The following PLEKHA6 variants were observed in gnomAD, a reference collection of about 807,000 sequenced individuals.
The protein encoded by PLEKHA6 is pleckstrin homology domain containing A6.
In PLEKHA6, 60 loss-of-function variants were observed where a neutral mutation model predicts 116.7. The observed-to-expected ratio is 0.51, with a 90% CI of 0.42 to 0.64. The LOEUF is 0.64. Among genes scored for constraint, PLEKHA6 ranks in the 30% least tolerant of loss-of-function variants. The pLI, the probability that PLEKHA6 is intolerant of heterozygous loss-of-function variation, is 0.00. For missense variants in PLEKHA6, 1,338 were observed against 1,422.7 expected (o/e 0.94, Z 0.96); for synonymous variants, 489 against 556.1 (o/e 0.88, Z 1.70).
At chr1:204,293,403 G>A (rs1224082545) in intron 1 of PLEKHA6, among the ~76,000 whole-genome samples, 1 of 152,136 alleles carries the variant, frequency 6.6e-6, no homozygotes, top group Non-Finnish European at 1.5e-5. Context: ...CCAAAGTGCT[G>A]GGATTACAAG....
chr1:204,304,936 C>T (rs1391385982), intron 1 of PLEKHA6, among the ~76,000 whole-genome samples: 1 of 152,158 alleles, frequency 6.6e-6, no homozygotes, highest in African/African-American at 2.4e-5. Flanking sequence ...AAGCAGGTGT[C>T]CAGTGAGCAT....
chr1:204,349,071 T>G (rs1673182301), intron 1 of PLEKHA6, among the ~76,000 whole-genome samples: 1 of 152,292 alleles, frequency 6.6e-6, no homozygotes, highest in African/African-American at 2.4e-5. Context: ...GCTTCAAGCT[T>G]GGCCTTCTCT....
chr1:204,308,198 G>T (rs1422851887), intron 1 of PLEKHA6, among the ~76,000 whole-genome samples: 1 of 152,208 alleles, frequency 6.6e-6, no homozygotes, highest in African/African-American at 2.4e-5. Flanking sequence ...GACATGGCTT[G>T]GCAAAGCCAG....
At chr1:204,366,151 A>G (rs1489963902) in intron 3 of PLEKHA6, among the ~76,000 whole-genome samples, 1 of 152,226 alleles carries the variant, frequency 6.6e-6, no homozygotes, top group African/African-American at 2.4e-5. Context: ...AATACATGTG[A>G]AAGTGTTTAG....
At chr1:204,237,399 T>C (rs1056691623) in intron 17 of PLEKHA6, among the ~76,000 whole-genome samples, 2 of 152,142 alleles carry the variant, frequency 1.3e-5, no homozygotes, top group Non-Finnish European at 2.9e-5. Context: ...CCTGGAGGGA[T>C]TGCGGAGATT....
Position 204,222,161 on chromosome 1 carries a change from C to G in PLEKHA6, c.*627G>C, listed in dbSNP as rs1325693977. The G allele has an allele frequency of 6.5e-6, 1 of 152,910 alleles. No homozygotes were observed. The highest frequency in any genetic ancestry group is 1.5e-5 in the Non-Finnish European group (1 of 68,430). The allele number at this position is 152,910 out of a possible 1,614,324, so 9.5% of individuals were successfully genotyped here. Reference sequence around the variant, plus strand: ...TCCCTCTGGGAGCCAATGGCCTCTCCCCATCTCTCATCACCTTGTCTTTGG... The same window carrying G: ...TCCCTCTGGGAGCCAATGGCCTCTCGCCATCTCTCATCACCTTGTCTTTGG... On this transcript the variant is annotated 3_prime_UTR_variant, in exon 23 of 23. Coordinates refer to ENST00000272203, the MANE Select transcript of PLEKHA6 (RefSeq NM_014935.5).
chr1:204,301,230 G>A (rs1670783311), intron 1 of PLEKHA6: 1 of 984,388 alleles, frequency 1.0e-6, no homozygotes, highest in Non-Finnish European at 1.2e-6. Context: ...TTTCAGCAGA[G>A]TCACCAGAGT....
intron 8 of PLEKHA6, among the ~76,000 whole-genome samples, chr1:204,258,125 C>G (rs181658069): frequency 5.4e-4 from 82 of 152,236 alleles, no homozygotes; most frequent in African/African-American, 1.4e-3. Context: ...TAGGAAGAAA[C>G]GTGAAGCCTT....
intron 1 of PLEKHA6, among the ~76,000 whole-genome samples, chr1:204,377,205 A>G (rs1381561296): frequency 2.0e-5 from 3 of 152,084 alleles, no homozygotes; most frequent in African/African-American, 4.8e-5. Context: ...TTCCCATAGG[A>G]AAGTCTCGGG....
chr1:204,242,248 G>T (rs1662935001), intron 15 of PLEKHA6, among the ~76,000 whole-genome samples: 1 of 152,142 alleles, frequency 6.6e-6, no homozygotes, highest in African/African-American at 2.4e-5. Context: ...TTAGTGTGTG[G>T]GCTCACAAAA....
intron 1 of PLEKHA6, among the ~76,000 whole-genome samples, chr1:204,342,942 C>T (rs947694824): frequency 1.3e-5 from 2 of 152,150 alleles, no homozygotes; most frequent in Non-Finnish European, 2.9e-5. Flanking sequence ...AACGCCAGAT[C>T]GCAGAACAGC....
rs564278663 is a variant in PLEKHA6 at position 204,367,393 on chromosome 1, C to T, written c.218+406G>A. On this transcript the variant is annotated intron_variant, in intron 3 of 4. Coordinates refer to the PLEKHA6 transcript ENST00000564627. ...CCACCACCAGTCTGATGTCCTCCTT[C>T]GTACACCCCACGGACACCTTCCCTT... Among the ~76,000 whole-genome samples the T allele has an allele frequency of 3.3e-5, 5 of 152,336 alleles. No individual in the cohort carries two copies. The South Asian group carries it at 6.2e-4, about 19-fold the overall frequency.
rs540020301 is a variant in PLEKHA6, at chr1:204,320,112, T to G, written c.-95+39582A>C. On this transcript the variant is annotated intron_variant, in intron 1 of 22. Transcript: ENST00000272203. ...GACACTGCTGCCCCATCATCCTTAT[T>G]CTCTCCTTTCCCACCATAAGGAAGG... is the stretch of plus-strand genomic sequence containing the variant. Among the ~76,000 whole-genome samples the G allele has an allele frequency of 5.9e-5, 9 of 152,246 alleles. No homozygotes were observed. The South Asian group carries it at 1.9e-3, about 32-fold the overall frequency.
rs543858057 is a variant in PLEKHA6, at chr1:204,220,602, C to T, written c.*2186G>A. The T allele has an allele frequency of 6.6e-6, 1 of 152,562 alleles. No homozygotes were observed. The highest frequency in any genetic ancestry group is 1.9e-4 in the East Asian group (1 of 5,176). 9.5% of individuals were successfully genotyped at this position (152,562 alleles called of 1,614,324 possible). A position where few individuals can be genotyped will look rare whatever the true frequency, so the allele number is the denominator to read the frequency against. ...TGTCTTAAAATAAGTCTTTCCTCTC[C>T]CCTTCTTTGGATCAAAAAGGCAAGG... On this transcript the variant is annotated 3_prime_UTR_variant, in exon 23 of 23. Coordinates refer to ENST00000272203, the MANE Select transcript of PLEKHA6 (RefSeq NM_014935.5).
At chr1:204,283,626 T>G (rs886981259) in intron 1 of PLEKHA6, among the ~76,000 whole-genome samples, 9 of 152,224 alleles carry the variant, frequency 5.9e-5, no homozygotes, top group Non-Finnish European at 7.3e-5. Context: ...GTTCCTGCGA[T>G]GCACCCAATC....
At chr1:204,367,792 T>C (rs1673690392) in intron 3 of PLEKHA6, 1 of 152,232 alleles carries the variant, frequency 6.6e-6, no homozygotes, top group Non-Finnish European at 1.5e-5. Context: ...AACTGCGTCT[T>C]ACTCACTTGA....
At chr1:204,336,786 T>C (rs1295871856) in intron 1 of PLEKHA6, among the ~76,000 whole-genome samples, 2 of 152,192 alleles carry the variant, frequency 1.3e-5, no homozygotes, top group Non-Finnish European at 2.9e-5. Flanking sequence ...ACTCCAGGCA[T>C]CCAGGTCAAT....
chr1:204,291,016 C>T (rs1046671535), intron 1 of PLEKHA6, among the ~76,000 whole-genome samples: 3 of 135,744 alleles, frequency 2.2e-5, no homozygotes, highest in African/African-American at 5.3e-5. Context: ...GACATTGTTA[C>T]GAAAATGAAA....
At chr1:204,357,728 C>T (rs927933916) in intron 1 of PLEKHA6, among the ~76,000 whole-genome samples, 65 of 151,806 alleles carry the variant, frequency 4.3e-4, no homozygotes, top group African/African-American at 1.4e-3. Context: ...AGAACGGAAC[C>T]GCAGCCTGTT....
Sources: allele counts gnomAD v4.1 joint callset (sites outside exome capture counted in the v4.1 genomes callset), GRCh38; gene constraint gnomAD v4.1.1; transcripts MANE v1.5; gene names NCBI Gene and HGNC (gene_info 2026-07-23, HGNC 2026-07-21).